PKNOX2: variants seen among roughly 807,000 people sequenced by gnomAD.
The protein encoded by PKNOX2 is PBX/knotted 1 homeobox 2.
Under a neutral mutation model 53.1 loss-of-function variants are expected in PKNOX2, and 14 were observed. That is an observed-to-expected ratio of 0.26 (90% confidence interval 0.17 to 0.41). PKNOX2 has a LOEUF of 0.41. PKNOX2 is among the 10% of genes least tolerant of loss of function. The pLI is 1.00. For synonymous variants in PKNOX2, 257 were observed against 242.8 expected, an observed-to-expected ratio of 1.06 and a Z score of -0.54; for missense variants, 496 against 602.8, an observed-to-expected ratio of 0.82 and a Z score of 1.85.
rs1402295204 is a variant in PKNOX2 at position 125,166,071 on chromosome 11, G to A, written c.-201+1295G>A. On this transcript the variant is annotated intron_variant, in intron 1 of 12. Transcript: ENST00000298282. This position sits in a 1 kb window ranked among gnomAD's most constrained non-coding sequence, Gnocchi z 4.0. ...AGGGCTGGGTTTTAGGACCAGTCTA[G>A]AGTTCGGTTTATAGGATCCAGACTG... is the stretch of plus-strand genomic sequence containing the variant. Among the ~76,000 whole-genome samples the A allele has an allele frequency of 7.9e-5, 12 of 152,216 alleles. No individual in the cohort carries two copies. The highest frequency in any genetic ancestry group is 2.9e-5 in the Non-Finnish European group (2 of 68,004).
chr11:125,167,457 G>C (rs988628616), intron 1 of PKNOX2, among the ~76,000 whole-genome samples: 20 of 152,170 alleles, frequency 1.3e-4, no homozygotes, highest in African/African-American at 4.6e-4. Context: ...GAGCCCGAGG[G>C]GGGAGGGAGC....
intron 1 of PKNOX2, among the ~76,000 whole-genome samples, chr11:125,185,735 A>C (rs1956412524): frequency 6.6e-6 from 1 of 152,134 alleles, no homozygotes; most frequent in Non-Finnish European, 1.5e-5. Context: ...TAGATACCAC[A>C]TTTTGTTCAT....
chr11:125,430,922 C>T (rs933045962), intron 12 of PKNOX2, among the ~76,000 whole-genome samples: 4 of 152,296 alleles, frequency 2.6e-5, no homozygotes, highest in Middle Eastern at 3.4e-3. Context: ...GTGGCCAACA[C>T]ATAAAGAAAA....
intron 1 of PKNOX2, among the ~76,000 whole-genome samples, chr11:125,178,414 G>C (rs1955849063): frequency 6.6e-6 from 1 of 151,566 alleles, no homozygotes; most frequent in Non-Finnish European, 1.5e-5. Context: ...GGGAGGCTGA[G>C]GCAGGAGAAT....
At chr11:125,281,990 A>T (rs902636018) in intron 2 of PKNOX2, among the ~76,000 whole-genome samples, 2 of 152,164 alleles carry the variant, frequency 1.3e-5, no homozygotes, top group African/African-American at 4.8e-5. Context: ...AATCCGGCTT[A>T]TTTCCCTTTT....
chr11:125,335,948 G>C (rs1481231804), intron 3 of PKNOX2, among the ~76,000 whole-genome samples: 1 of 152,182 alleles, frequency 6.6e-6, no homozygotes, highest in Non-Finnish European at 1.5e-5. Context: ...TGAAGGTAGG[G>C]ACTACATGTT....
In PKNOX2 at chr11:125,395,466, C is replaced by T. The variant is rs142436275; in HGVS notation, c.400-2408C>T. 4.2e-4 allele frequency among the ~76,000 whole-genome samples: 64 copies of T among 152,258 alleles called. No homozygotes were observed. The East Asian group carries it at 6.6e-3, about 16-fold the overall frequency. On this transcript the variant is annotated intron_variant, in intron 6 of 12. Coordinates refer to ENST00000298282, the MANE Select transcript of PKNOX2 (RefSeq NM_001382323.2). ...AGTACAATTGCTGGGTCATATGGTA[C>T]GCACATATTTAGTTTTGTAAGAAAT...
chr11:125,301,309 C>CG (rs1365080257), intron 2 of PKNOX2, among the ~76,000 whole-genome samples: 6 of 152,038 alleles, frequency 3.9e-5, no homozygotes, highest in African/African-American at 1.2e-4. Context: ...CCATATGCCC[C>CG]GGGGGCAACT....
In PKNOX2 at chr11:125,297,391, C is replaced by A. The variant is rs1006756418; in HGVS notation, c.-129-34428C>A. ...ATCTACAATTGAATAGAAAATAATT[C>A]TTGATCTCCAGTCTAGTGGTGGCAA... On this transcript the variant is annotated intron_variant, in intron 2 of 12. Transcript: ENST00000298282. Among the ~76,000 whole-genome samples the A allele has an allele frequency of 3.3e-5, 5 of 152,266 alleles. No homozygotes were observed. The South Asian group carries it at 8.3e-4, about 25-fold the overall frequency.
At chr11:125,265,277 A>G (rs1413300646) in intron 2 of PKNOX2, among the ~76,000 whole-genome samples, 2 of 150,320 alleles carry the variant, frequency 1.3e-5, no homozygotes, top group East Asian at 4.0e-4. Context: ...ACAGAGCGAG[A>G]CTCTGTCTCA....
chr11:125,411,673 G>A (rs1321326630), intron 9 of PKNOX2, 73 bp from the exon 10 acceptor site: 4 of 1,609,962 alleles, frequency 2.5e-6, no homozygotes, highest in East Asian at 2.2e-5. Context: ...GCCTGCCGTC[G>A]CTATGGCAAC....
rs1591572057 is a variant in PKNOX2, at chr11:125,432,683, C to T, written c.*1291C>T. The stretch of plus-strand genomic sequence containing the variant: ...TCCACCCTAACACATACCCTCCCAC[C>T]CACCTTCCAGACCCCCTTGGTTGGC... On this transcript the variant is annotated 3_prime_UTR_variant, in exon 13 of 13. Coordinates refer to ENST00000298282, the MANE Select transcript of PKNOX2 (RefSeq NM_001382323.2). 6.5e-6 allele frequency: 1 copy of T among 152,780 alleles called. No homozygotes were observed. Among genetic ancestry groups the T allele is most frequent in the East Asian group, 1.9e-4 (1 of 5,188 alleles). 9.5% of individuals were successfully genotyped at this position (152,780 alleles called of 1,614,324 possible).
At chr11:125,196,479 C>G (rs1319791268) in intron 1 of PKNOX2, among the ~76,000 whole-genome samples, 1 of 152,188 alleles carries the variant, frequency 6.6e-6, no homozygotes, top group African/African-American at 2.4e-5. Context: ...TGGGAGCTCC[C>G]AACATCCTCA....
chr11:125,410,453 T>A, intron 8 of PKNOX2, 128 bp downstream of exon 8: 2 of 1,298,264 alleles, frequency 1.5e-6, no homozygotes, highest in Non-Finnish European at 2.1e-6. Flanking sequence ...GTTTCTTGAC[T>A]AAAGTTTTCT....
chr11:125,346,692 G>C (rs957007374), intron 3 of PKNOX2, among the ~76,000 whole-genome samples: 1 of 152,092 alleles, frequency 6.6e-6, no homozygotes, highest in Non-Finnish European at 1.5e-5. Flanking sequence ...TGTGTCGGAG[G>C]ACAGACAAGA....
chr11:125,371,655 G>C (rs752412042), intron 5 of PKNOX2, among the ~76,000 whole-genome samples: 1 of 152,288 alleles, frequency 6.6e-6, no homozygotes, highest in Middle Eastern at 3.4e-3. Context: ...GCGGGTGGGG[G>C]AGGAGGTTGG....
intron 1 of PKNOX2, among the ~76,000 whole-genome samples, chr11:125,180,967 T>C (rs1956127564): frequency 6.6e-6 from 1 of 152,274 alleles, no homozygotes; most frequent in Non-Finnish European, 1.5e-5. Context: ...TATCAGATTC[T>C]AGTCCTGCAC....
At chr11:125,253,442 G>A (rs930732501) in intron 2 of PKNOX2, among the ~76,000 whole-genome samples, 5 of 152,134 alleles carry the variant, frequency 3.3e-5, no homozygotes, top group Admixed American at 6.5e-5. Context: ...AGGAGGAGAG[G>A]AGGGTGGCTC....
At chr11:125,253,532 T>C (rs531940959) in intron 2 of PKNOX2, among the ~76,000 whole-genome samples, 2 of 152,214 alleles carry the variant, frequency 1.3e-5, no homozygotes, top group Non-Finnish European at 2.9e-5. Context: ...CCACCGATGG[T>C]CCCAGGCAGA....
Sources: allele counts gnomAD v4.1 joint callset (sites outside exome capture counted in the v4.1 genomes callset), GRCh38; gene constraint gnomAD v4.1.1; non-coding constraint Gnocchi (gnomAD v3.1); transcripts MANE v1.5; gene names NCBI Gene and HGNC (gene_info 2026-07-23, HGNC 2026-07-21).